DAPK1: variants seen among roughly 807,000 people sequenced by gnomAD.
DAPK1 encodes the protein death-associated protein kinase 1.
In DAPK1, 56 loss-of-function variants were observed where a neutral mutation model predicts 144.9. The ratio of observed to expected loss-of-function variants is 0.39; its 90% confidence interval spans 0.31 to 0.48. The LOEUF is 0.48. Among genes scored for constraint, DAPK1 ranks in the 20% least tolerant of loss-of-function variants. The pLI, the probability that DAPK1 is intolerant of heterozygous loss-of-function variation, is 0.95. For missense variants in DAPK1, 1,454 were observed against 1,875.4 expected (o/e 0.78, Z 4.15); for synonymous variants, 690 against 749.0 (o/e 0.92, Z 1.29).
At position 87,669,243 on chromosome 9, in the gene DAPK1, C is replaced by A. The variant is rs890700906; in HGVS notation, c.2001+569C>A. 3.3e-5 allele frequency among the ~76,000 whole-genome samples: 5 copies of A among 151,624 alleles called. No homozygotes were observed. In the South Asian group the frequency reaches 1.0e-3, roughly 32 times the overall value. On this transcript the variant is annotated intron_variant, in intron 19 of 25. Coordinates refer to ENST00000408954, the MANE Select transcript of DAPK1 (RefSeq NM_004938.4). ...AAAAATTGGAAACACAGATAACCCACGATAATGTCTAGTAAAGGGTCCTAC... is the reference window on the plus strand; with the variant it reads ...AAAAATTGGAAACACAGATAACCCAAGATAATGTCTAGTAAAGGGTCCTAC...
chr9:87,668,565 A>C (rs757303401), intron 18 of DAPK1, 32 bp from the exon 19 acceptor site: 1 of 1,023,404 alleles, frequency 9.8e-7, no homozygotes, highest in African/African-American at 1.6e-5. Context: ...TCCTTTTCAG[A>C]GAAAAGAAAC....
At chr9:87,522,604 A>G (rs999069556) in intron 2 of DAPK1, among the ~76,000 whole-genome samples, 1 of 152,234 alleles carries the variant, frequency 6.6e-6, no homozygotes, top group Admixed American at 6.5e-5. Context: ...CAATTCTGCA[A>G]TGATTGCTGA....
chr9:87,642,831 C>T (rs565990706), intron 10 of DAPK1, among the ~76,000 whole-genome samples: 69 of 152,320 alleles, frequency 4.5e-4, no homozygotes, highest in African/African-American at 1.5e-3. Flanking sequence ...TTCTCTTTCT[C>T]GCTCTCATTC....
intron 2 of DAPK1, among the ~76,000 whole-genome samples, chr9:87,556,115 A>G (rs1440802250): frequency 6.6e-6 from 1 of 152,160 alleles, no homozygotes; most frequent in Non-Finnish European, 1.5e-5. Flanking sequence ...CGTCACCGAA[A>G]CTCATCAGTG....
intron 2 of DAPK1, among the ~76,000 whole-genome samples, chr9:87,604,162 G>A (rs868254520): frequency 6.6e-6 from 1 of 152,048 alleles, no homozygotes; most frequent in African/African-American, 2.4e-5. Flanking sequence ...ACAGTTGGCA[G>A]CGGCTTTGAG....
intron 2 of DAPK1, among the ~76,000 whole-genome samples, chr9:87,590,369 C>CAAAAAAAAAAAAAAAAAAAAA (rs200588801): frequency 2.3e-5 from 2 of 85,714 alleles, no homozygotes; most frequent in African/African-American, 7.9e-5. Flanking sequence ...TCATTGGCCT[C>CAAAAAAAAAAAAAAAAAAAAA]AAAAAAAAAA....
chr9:87,651,849 G>A (rs570998237), intron 17 of DAPK1, 125 bp downstream of exon 17: 5 of 737,562 alleles, frequency 6.8e-6, no homozygotes, highest in Non-Finnish European at 1.2e-5. Context: ...CCTGATCCCG[G>A]GTCCTGATTC....
chr9:87,537,089 C>T lies in DAPK1; in HGVS notation c.62+37950C>T, dbSNP rs541615453. Among the ~76,000 whole-genome samples, 6 of 151,950 alleles carry T rather than the reference C, an allele frequency of 3.9e-5. No individual in the cohort carries two copies. The South Asian group carries it at 6.2e-4, about 16-fold the overall frequency. ...TGCAGCTCTGCCTCCTGGGTTCAAG[C>T]GATTCTCCTTCCTCAGCCTCCCAAG... is the stretch of plus-strand genomic sequence containing the variant. On this transcript the variant is annotated intron_variant, in intron 2 of 25. Transcript: ENST00000408954.
At chr9:87,576,054 G>C (rs139024662) in intron 2 of DAPK1, among the ~76,000 whole-genome samples, 10 of 152,330 alleles carry the variant, frequency 6.6e-5, no homozygotes, top group African/African-American at 2.4e-4. Flanking sequence ...AACAAGCTCA[G>C]GTTAGCGGTA....
rs1035442944 is a variant in DAPK1 at position 87,642,547 on chromosome 9, G to A, written c.918+489G>A. On this transcript the variant is annotated intron_variant, in intron 10 of 25. Transcript: ENST00000408954. Reference sequence around the variant, plus strand: ...CTCAGTGTGGATGGCCTCCACAGGGGCTGGGTAGGACATTGCTCTGAAGGC... The same window carrying A: ...CTCAGTGTGGATGGCCTCCACAGGGACTGGGTAGGACATTGCTCTGAAGGC... Among the ~76,000 whole-genome samples, 5 of 152,230 alleles carry A rather than the reference G, an allele frequency of 3.3e-5. No homozygotes were observed. In the East Asian group the frequency reaches 5.8e-4, roughly 18 times the overall value.
intron 3 of DAPK1, among the ~76,000 whole-genome samples, chr9:87,616,026 AGACAC>A (rs1829083194): frequency 6.6e-6 from 1 of 152,194 alleles, no homozygotes; most frequent in South Asian, 2.1e-4. Context: ...GTGGTTCTGG[AGACAC>A]ATTTGCTCCT....
intron 2 of DAPK1, among the ~76,000 whole-genome samples, chr9:87,535,510 G>A (rs1422553960): frequency 2.0e-5 from 3 of 152,180 alleles, no homozygotes; most frequent in Admixed American, 2.0e-4. Context: ...TCTCATGTGT[G>A]AAGGTCTCCT....
intron 2 of DAPK1, among the ~76,000 whole-genome samples, chr9:87,518,109 T>TG (rs1360599178): frequency 0.081 from 2,788 of 34,366 alleles, 108 homozygotes; most frequent in South Asian, 0.34. Context: ...GTTGTTGTTT[T>TG]TTTTTTTTTT....
In DAPK1 at chr9:87,497,977, G is replaced by T. The variant is rs1452720988; in HGVS notation, c.-239G>T. 1 of 397,222 alleles carries T rather than the reference G, an allele frequency of 2.5e-6. No individual in the cohort carries two copies. Among genetic ancestry groups the T allele is most frequent in the South Asian group, 1.4e-4 (1 of 7,256 alleles). 24.6% of individuals were successfully genotyped at this position (397,222 alleles called of 1,614,324 possible). A position where few individuals can be genotyped will look rare whatever the true frequency, so the allele number is the denominator to read the frequency against. ...GGCAGGGTCTGGGGCCGGCGCCTGG[G>T]AGGGATCTGCGCCCCCCACTCACTC... On this transcript the variant is annotated 5_prime_UTR_variant, in exon 1 of 26. Transcript: ENST00000408954.
chr9:87,608,244 A>G (rs1454494478), intron 3 of DAPK1, among the ~76,000 whole-genome samples: 1 of 152,256 alleles, frequency 6.6e-6, no homozygotes, highest in African/African-American at 2.4e-5. Context: ...TCCAGTGAAT[A>G]GAATCATACA....
At chr9:87,521,589 A>G (rs1163621752) in intron 2 of DAPK1, among the ~76,000 whole-genome samples, 2 of 152,218 alleles carry the variant, frequency 1.3e-5, no homozygotes, top group African/African-American at 2.4e-5. Flanking sequence ...GCCTTCCGCT[A>G]GGATGTCAGC....
chr9:87,550,077 A>G (rs999393279), intron 2 of DAPK1, among the ~76,000 whole-genome samples: 1 of 152,132 alleles, frequency 6.6e-6, no homozygotes, highest in Non-Finnish European at 1.5e-5. Flanking sequence ...ACGTCCTTTG[A>G]TGAGGTTTGA....
rs1239818275 is a variant in DAPK1 at position 87,706,015 on chromosome 9, C to T, written c.3061-117C>T. On this transcript the variant is annotated intron_variant, in intron 25 of 25. Transcript: ENST00000408954. This position sits in a 1 kb window ranked among gnomAD's most constrained non-coding sequence, Gnocchi z 9.0. Reference sequence around the variant, plus strand: ...CCACGTGGAATGGCCTTGGGTCACTCCTTAGAGCATCTGCTCAGCCTCTGT... The same window carrying T: ...CCACGTGGAATGGCCTTGGGTCACTTCTTAGAGCATCTGCTCAGCCTCTGT... 4.0e-6 allele frequency: 3 copies of T among 743,884 alleles called. No individual in the cohort carries two copies. In the Admixed American group the frequency reaches 7.0e-5, roughly 17 times the overall value. The allele number at this position is 743,884 out of a possible 1,614,324, so 46.1% of individuals were successfully genotyped here.
chr9:87,550,109 A>G (rs1345308060), intron 2 of DAPK1, among the ~76,000 whole-genome samples: 1 of 152,204 alleles, frequency 6.6e-6, no homozygotes, highest in African/African-American at 2.4e-5. Flanking sequence ...CCTGGGTAAC[A>G]TGAACCCCTG....
Sources: gnomAD v4.1 joint callset for allele counts (sites outside exome capture counted in the v4.1 genomes callset) on GRCh38, gnomAD v4.1.1 for gene constraint, Gnocchi (gnomAD v3.1) non-coding constraint, MANE v1.5 for transcripts, NCBI Gene and HGNC (gene_info 2026-07-23, HGNC 2026-07-21) for gene names.